Variants in FHIP1A observed in about 807,000 individuals in gnomAD.
The protein encoded by FHIP1A is FHF complex subunit HOOK-interacting protein 1A.
Under a neutral mutation model 88.6 loss-of-function variants are expected in FHIP1A, and 61 were observed. That is an observed-to-expected ratio of 0.69 (90% CI 0.56 to 0.85). The LOEUF is 0.85. Ranked by LOEUF, FHIP1A falls within the 40% of genes least tolerant of loss-of-function variation. The pLI is 0.00. For synonymous variants in FHIP1A, 478 were observed against 496.0 expected (o/e 0.96, Z 0.48); for missense variants, 1,154 against 1,273.5 (o/e 0.91, Z 1.43).
At position 151,650,096 on chromosome 4, in the gene FHIP1A, C is replaced by T. The variant is rs759664933; in HGVS notation, c.2055C>T (p.Leu685=). 2 of 1,551,704 alleles carry T rather than the reference C, an allele frequency of 1.3e-6. No individual in the cohort carries two copies. The highest frequency in any genetic ancestry group is 1.2e-5 in the South Asian group (1 of 84,060). The change falls in exon 11 of 14, where the codon CTC becomes CTT. Residue 685 remains leucine, a synonymous_variant. Transcript: ENST00000435205. ...QSVPINNGPL[L]STQPETDSEE... ...TCCCCATCAACAACGGCCCCCTCCT[C>T]AGCACCCAGCCAGAGACAGATTCAG...
In FHIP1A at chr4:151,565,760, CCCTT is replaced by C. The variant is rs1733362834; in HGVS notation, c.-122-377_-122-374del. Reference sequence around the variant, plus strand: ...GGTGCAAAAATAATTGCGGTTTTTGCCCTTGAAAGTAATGGCAAAAACCGCAATT... The same window carrying C: ...GGTGCAAAAATAATTGCGGTTTTTGCGAAAGTAATGGCAAAAACCGCAATT... On this transcript the variant is annotated intron_variant, in intron 3 of 13. Transcript: ENST00000435205. Among the ~76,000 whole-genome samples the C allele has an allele frequency of 2.0e-5, 3 of 151,214 alleles. No homozygotes were observed. In the South Asian group the frequency reaches 6.3e-4, roughly 32 times the overall value.
At chr4:151,612,374 ATGTTTTTGTTTT>A (rs749847037) in intron 7 of FHIP1A, among the ~76,000 whole-genome samples, 1 of 151,882 alleles carries the variant, frequency 6.6e-6, no homozygotes. Context: ...GGGTACCCAT[ATGTTTTTGTTTT>A]TGTTTTTGTT....
Position 151,633,419 on chromosome 4 carries a change from A to G in FHIP1A, c.1146+3550A>G, listed in dbSNP as rs753504190. The stretch of plus-strand genomic sequence containing the variant: ...TAACATCAGTCCTCCTTGAACTCCT[A>G]AAAACCTGAAGATCCAGGAACATTT... On this transcript the variant is annotated intron_variant, in intron 8 of 13. Transcript: ENST00000435205. Among the ~76,000 whole-genome samples the G allele has an allele frequency of 4.8e-4, 73 of 151,968 alleles. 1 individual carries two copies. Among genetic ancestry groups the G allele is most frequent in the Non-Finnish European group, 1.2e-4 (8 of 67,844 alleles).
At chr4:151,548,197 G>T (rs955553071) in intron 3 of FHIP1A, among the ~76,000 whole-genome samples, 4 of 152,136 alleles carry the variant, frequency 2.6e-5, no homozygotes, top group African/African-American at 7.2e-5. Flanking sequence ...GCCAGCACCA[G>T]CACTGGGACC....
At chr4:151,606,054 T>C (rs1735061868) in intron 7 of FHIP1A, among the ~76,000 whole-genome samples, 1 of 152,252 alleles carries the variant, frequency 6.6e-6, no homozygotes, top group Non-Finnish European at 1.5e-5. Context: ...GTGCTGAGTT[T>C]GCAGGAGGAA....
chr4:151,431,024 C>T (rs1701766562), intron 1 of FHIP1A, among the ~76,000 whole-genome samples: 2 of 150,144 alleles, frequency 1.3e-5, no homozygotes, highest in Non-Finnish European at 1.5e-5. Flanking sequence ...TTTACTTATG[C>T]AAATACATTT....
intron 1 of FHIP1A, among the ~76,000 whole-genome samples, chr4:151,437,705 G>A (rs142815442): frequency 3.3e-5 from 5 of 152,224 alleles, no homozygotes; most frequent in African/African-American, 7.2e-5. Flanking sequence ...ACAGACCCAT[G>A]GGTGGACACA....
In FHIP1A at chr4:151,650,532, A is replaced by G. The variant is rs1307240917; in HGVS notation, c.2491A>G (p.Arg831Gly). Reference protein sequence around the residue: ...VETVPSPFVGRDEAAFASRHP... With the variant: ...VETVPSPFVGGDEAAFASRHP... ...GACTGTGCCTTCCCCATTTGTGGGG[A>G]GAGATGAGGCTGCCTTTGCCAGTCG... Residue 831 changes from arginine (R) to glycine (G), a missense_variant, in exon 11 of 14, where the codon AGA becomes GGA. Physicochemically the swap from Arg to Gly is moderately radical, Grantham distance 125 (BLOSUM62 -2). Transcript: ENST00000435205. 1.3e-6 allele frequency: 2 copies of G among 1,551,476 alleles called. 1 individual carries two copies. The highest frequency in any genetic ancestry group is 2.4e-5 in the South Asian group (2 of 84,044).
At chr4:151,447,843 AG>A (rs1307949539) in intron 1 of FHIP1A, among the ~76,000 whole-genome samples, 1 of 152,224 alleles carries the variant, frequency 6.6e-6, no homozygotes, top group African/African-American at 2.4e-5. Flanking sequence ...CTGCAAGCCA[AG>A]GAGAGAAACC....
intron 1 of FHIP1A, among the ~76,000 whole-genome samples, chr4:151,418,310 G>A (rs185416938): frequency 8.6e-5 from 13 of 151,830 alleles, no homozygotes; most frequent in Non-Finnish European, 1.6e-4. Context: ...TTTCTTATCA[G>A]CTTGATTAAG....
In FHIP1A at chr4:151,664,254, G is replaced by A. The variant is rs537238832; in HGVS notation, c.*1500G>A. On this transcript the variant is annotated 3_prime_UTR_variant, in exon 14 of 14. Coordinates refer to ENST00000435205, the MANE Select transcript of FHIP1A (RefSeq NM_001109977.3). ...GTTGTGCCTCAGGAGCACTGGTTTGGTCTTAATCAGGCCTTTCATGCACAG... is the reference window on the plus strand; with the variant it reads ...GTTGTGCCTCAGGAGCACTGGTTTGATCTTAATCAGGCCTTTCATGCACAG... Among the ~76,000 whole-genome samples, 1 of 152,320 alleles carries A rather than the reference G, an allele frequency of 6.6e-6. No homozygotes were observed. Among genetic ancestry groups the A allele is most frequent in the South Asian group, 2.1e-4 (1 of 4,816 alleles).
intron 3 of FHIP1A, among the ~76,000 whole-genome samples, chr4:151,501,856 G>C (rs1180138752): frequency 6.7e-6 from 1 of 149,432 alleles, no homozygotes; most frequent in East Asian, 1.9e-4. Context: ...AGAAAACCTG[G>C]TTCTCAACAA....
At chr4:151,597,213 G>A (rs530124903) in intron 7 of FHIP1A, among the ~76,000 whole-genome samples, 1 of 152,248 alleles carries the variant, frequency 6.6e-6, no homozygotes, top group East Asian at 1.9e-4. Flanking sequence ...GGGTTTTTGA[G>A]TGGACGTCCT....
intron 3 of FHIP1A, among the ~76,000 whole-genome samples, chr4:151,528,809 T>G (rs1224193996): frequency 6.6e-6 from 1 of 152,212 alleles, no homozygotes; most frequent in African/African-American, 2.4e-5. Flanking sequence ...GTTTCAGTCT[T>G]AAGAAGTGTT....
intron 4 of FHIP1A, among the ~76,000 whole-genome samples, chr4:151,576,129 C>T (rs570621322): frequency 2.0e-5 from 3 of 152,132 alleles, no homozygotes; most frequent in South Asian, 4.2e-4. Flanking sequence ...TTTTAGTTTC[C>T]AGGTCGCAAA....
intron 1 of FHIP1A, among the ~76,000 whole-genome samples, chr4:151,430,126 C>T (rs1733540128): frequency 6.6e-6 from 1 of 152,166 alleles, no homozygotes; most frequent in Admixed American, 6.5e-5. Context: ...TAAAATCTTT[C>T]ACAAAGCCTC....
rs1322028592 is a variant in FHIP1A, at chr4:151,662,419, GC to G, written c.2870-77del. Reference sequence around the variant, plus strand: ...TAACTAGATACTCTCCAGCAACTCTGCCCCCAAACACATGCTTCACTGAAGA... The same window carrying G: ...TAACTAGATACTCTCCAGCAACTCTGCCCCAAACACATGCTTCACTGAAGA... On this transcript the variant is annotated intron_variant, in intron 13 of 13. Coordinates refer to ENST00000435205, the MANE Select transcript of FHIP1A (RefSeq NM_001109977.3). 4 of 1,401,842 alleles carry G rather than the reference GC, an allele frequency of 2.9e-6. No homozygotes were observed. The African/African-American group carries it at 5.8e-5, about 20-fold the overall frequency. 86.8% of individuals were successfully genotyped at this position (1,401,842 alleles called of 1,614,324 possible).
chr4:151,650,414 G>A lies in FHIP1A; in HGVS notation c.2373G>A (p.Glu791=). Residue 791 remains glutamate (E), a synonymous_variant, in exon 11 of 14, where the codon GAG becomes GAA. Transcript: ENST00000435205. ...CTAAGGAGGAAGAAGGGAAGGAAGA[G>A]AGTAAAGGAGAAAAGGAGAAGGAGG... is the stretch of plus-strand genomic sequence containing the variant. ...LLTKEEEGKE[E]SKGEKEKEGK... The A allele has an allele frequency of 6.4e-7, 1 of 1,551,728 alleles. No homozygotes were observed. Among genetic ancestry groups the A allele is most frequent in the Non-Finnish European group, 8.7e-7 (1 of 1,146,966 alleles).
intron 2 of FHIP1A, among the ~76,000 whole-genome samples, chr4:151,455,210 G>T (rs1728926838): frequency 6.6e-6 from 1 of 152,142 alleles, no homozygotes; most frequent in African/African-American, 2.4e-5. Context: ...ACACTTACTG[G>T]TTTGAAAATT....
Sources: gnomAD v4.1 joint callset for allele counts (sites outside exome capture counted in the v4.1 genomes callset) on GRCh38, gnomAD v4.1.1 for gene constraint, MANE v1.5 for transcripts, NCBI Gene and HGNC (gene_info 2026-07-23, HGNC 2026-07-21) for gene names.